IFNAR1: variants seen among roughly 807,000 people sequenced by gnomAD.
The protein encoded by IFNAR1 is interferon alpha and beta receptor subunit 1, also known as interferon alpha/beta receptor 1.
In IFNAR1, 47 loss-of-function variants were observed where a neutral mutation model predicts 62.1. That is an observed-to-expected ratio of 0.76 (90% confidence interval 0.60 to 0.97). The LOEUF (loss-of-function observed/expected upper bound fraction) is 0.97, where lower values mean the gene tolerates loss of function less well. Among genes scored for constraint, IFNAR1 ranks in the 50% least tolerant of loss-of-function variants. The probability of loss-of-function intolerance (pLI) is 0.00; values close to 1 mark genes in which losing one functional copy is unlikely to be tolerated. For synonymous variants in IFNAR1, 219 were observed against 226.9 expected, an observed-to-expected ratio of 0.97 and a Z score of 0.31; for missense variants, 638 against 654.5, an observed-to-expected ratio of 0.97 and a Z score of 0.27.
intron 2 of IFNAR1, among the ~76,000 whole-genome samples, chr21:33,338,903 C>A (rs547220315): frequency 6.6e-6 from 1 of 151,928 alleles, no homozygotes; most frequent in South Asian, 2.1e-4. Context: ...CCCCCACGCC[C>A]GGCTAATTTT....
intron 6 of IFNAR1, among the ~76,000 whole-genome samples, chr21:33,346,806 A>G (rs1018102212): frequency 2.0e-5 from 3 of 152,226 alleles, no homozygotes; most frequent in African/African-American, 7.2e-5. Context: ...CCATAAGGAA[A>G]GAGATAAGGT....
At chr21:33,348,910 A>G (rs1270064029) in intron 6 of IFNAR1, among the ~76,000 whole-genome samples, 181 bp from the exon 7 acceptor site, 1 of 152,224 alleles carries the variant, frequency 6.6e-6, no homozygotes, top group East Asian at 1.9e-4. Context: ...GCACAACATG[A>G]CCACAGTCTG....
At chr21:33,354,205 G>A (rs1354348170) in intron 10 of IFNAR1, among the ~76,000 whole-genome samples, 4 of 152,210 alleles carry the variant, frequency 2.6e-5, no homozygotes, top group Admixed American at 6.5e-5. Flanking sequence ...AGCCGGGCGT[G>A]GTGGCACATG....
chr21:33,345,459 G>A (rs985025548), intron 6 of IFNAR1, 99 bp downstream of exon 6: 13 of 723,282 alleles, frequency 1.8e-5, no homozygotes, highest in Middle Eastern at 4.6e-4. Context: ...CAGAATGACC[G>A]ACTGGGAGGT....
At chr21:33,331,685 T>C (rs565741430) in intron 1 of IFNAR1, among the ~76,000 whole-genome samples, 13 of 152,298 alleles carry the variant, frequency 8.5e-5, no homozygotes, top group African/African-American at 3.1e-4. Context: ...TCTGGGGTAC[T>C]GCTTATCCCT....
intron 1 of IFNAR1, among the ~76,000 whole-genome samples, chr21:33,327,350 A>G (rs1442585540): frequency 1.3e-5 from 2 of 152,206 alleles, no homozygotes; most frequent in Non-Finnish European, 2.9e-5. Context: ...TTAAGCTCTT[A>G]GCTGTGTGCC....
chr21:33,357,206 G>C lies in IFNAR1; in HGVS notation c.*1657G>C, dbSNP rs969614024. 2 of 152,218 alleles carry C rather than the reference G, an allele frequency of 1.3e-5. No homozygotes were observed. Among genetic ancestry groups the C allele is most frequent in the African/African-American group, 4.8e-5 (2 of 41,442 alleles). 9.4% of individuals were successfully genotyped at this position (152,218 alleles called of 1,614,324 possible). On this transcript the variant is annotated 3_prime_UTR_variant, in exon 11 of 11. Transcript: ENST00000270139. ...GGACCAGTGAAAGAAAAGAGACAAA[G>C]TTAGAACGTGCTGGGGAGCGGCCAT...
At position 33,357,360 on chromosome 21, in the gene IFNAR1, A is replaced by G. The variant is rs1009166410; in HGVS notation, c.*1811A>G. 6.6e-6 allele frequency: 1 copy of G among 152,132 alleles called. No homozygotes were observed. Among genetic ancestry groups the G allele is most frequent in the African/African-American group, 2.4e-5 (1 of 41,412 alleles). The allele number at this position is 152,132 out of a possible 1,614,324, so 9.4% of individuals were successfully genotyped here. On this transcript the variant is annotated 3_prime_UTR_variant, in exon 11 of 11. Transcript: ENST00000270139. ...TCGGCACATCCTGCCTGGCACATACACGTGTCTGCAGGCCACACCGTGCAT... is the reference window on the plus strand; with the variant it reads ...TCGGCACATCCTGCCTGGCACATACGCGTGTCTGCAGGCCACACCGTGCAT...
Position 33,349,425 on chromosome 21 carries a change from T to C in IFNAR1, c.1025T>C (p.Leu342Pro). 6.2e-7 allele frequency: 1 copy of C among 1,611,022 alleles called. No individual in the cohort carries two copies. Among genetic ancestry groups the C allele is most frequent in the Non-Finnish European group, 8.5e-7 (1 of 1,178,252 alleles). ...CCTCCAGTCTTTAACATTAGATCCC[T>C]TAGTGATTCATTCCATATCTATATC... ...LLPPVFNIRS[L>P]SDSFHIYIGA... The change falls in exon 8 of 11, where the codon CTT (leucine) becomes CCT (proline). Residue 342 changes from leucine to proline, a missense_variant. Coordinates refer to ENST00000270139, the MANE Select transcript of IFNAR1 (RefSeq NM_000629.3).
chr21:33,353,887 A>T, intron 10 of IFNAR1, 104 bp downstream of exon 10: 1 of 728,722 alleles, frequency 1.4e-6, no homozygotes, highest in Non-Finnish European at 2.2e-6. Flanking sequence ...CCAGAAAATA[A>T]TAGAGACTGA....
At chr21:33,344,192 G>A (rs1405491782) in intron 5 of IFNAR1, among the ~76,000 whole-genome samples, 1 of 152,084 alleles carries the variant, frequency 6.6e-6, no homozygotes, top group Non-Finnish European at 1.5e-5. Flanking sequence ...ATTTTGTAAT[G>A]ACAAAACTTT....
At chr21:33,333,967 A>G (rs1324967015) in intron 1 of IFNAR1, among the ~76,000 whole-genome samples, 1 of 152,166 alleles carries the variant, frequency 6.6e-6, no homozygotes. Flanking sequence ...TATAAACTGA[A>G]ATTGAAGGGA....
intron 2 of IFNAR1, among the ~76,000 whole-genome samples, chr21:33,337,213 T>C (rs2083246014): frequency 6.6e-6 from 1 of 151,826 alleles, no homozygotes; most frequent in Admixed American, 6.6e-5. Flanking sequence ...ACAGCAAGAC[T>C]CCATCTCAAA....
upstream of IFNAR1, chr21:33,324,949 G>A (rs1304347777): frequency 2.1e-6 from 2 of 936,094 alleles, no homozygotes; most frequent in East Asian, 5.3e-5. Context: ...GCTAAGAGGG[G>A]CAGCGCGTGT....
intron 5 of IFNAR1, among the ~76,000 whole-genome samples, chr21:33,344,523 A>C (rs1218839468): frequency 6.6e-6 from 1 of 151,534 alleles, no homozygotes; most frequent in Non-Finnish European, 1.5e-5. Context: ...CACTAGAGAT[A>C]AGCATTGCTT....
intron 2 of IFNAR1, 53 bp from the exon 3 acceptor site, chr21:33,340,946 C>T (rs2083286437): frequency 1.8e-6 from 2 of 1,112,772 alleles, no homozygotes; most frequent in African/African-American, 1.6e-5. Context: ...AAGTATTTGA[C>T]ACTTACATTT....
chr21:33,334,520 T>TA, intron 1 of IFNAR1: 1 of 410,304 alleles, frequency 2.4e-6, no homozygotes, highest in Non-Finnish European at 4.8e-6. Flanking sequence ...TGTTCTTAGA[T>TA]AGACAAAAGC....
At chr21:33,328,111 T>C (rs1215811119) in intron 1 of IFNAR1, among the ~76,000 whole-genome samples, 1 of 152,210 alleles carries the variant, frequency 6.6e-6, no homozygotes, top group Admixed American at 6.5e-5. Context: ...GTTTTGTTTG[T>C]TTTCTTTCTG....
intron 6 of IFNAR1, among the ~76,000 whole-genome samples, chr21:33,346,188 G>A (rs2083344366): frequency 6.6e-6 from 1 of 152,160 alleles, no homozygotes; most frequent in Non-Finnish European, 1.5e-5. Flanking sequence ...GAAAAGAGAA[G>A]AGGAAAATTA....
Sources: gnomAD v4.1 joint callset for allele counts (sites outside exome capture counted in the v4.1 genomes callset) on GRCh38, gnomAD v4.1.1 for gene constraint, MANE v1.5 for transcripts, NCBI Gene and HGNC (gene_info 2026-07-23, HGNC 2026-07-21) for gene names.